The following STON2 variants were observed in gnomAD, a reference collection of about 807,000 sequenced individuals.
STON2 encodes stonin-2.
Under a neutral mutation model 65.7 loss-of-function variants are expected in STON2, and 29 were observed. The ratio of observed to expected loss-of-function variants is 0.44; its 90% CI spans 0.33 to 0.60. The LOEUF (loss-of-function observed/expected upper bound fraction) is 0.60. Ranked by LOEUF, STON2 falls within the 20% of genes least tolerant of loss-of-function variation. The pLI, the probability that STON2 is intolerant of heterozygous loss-of-function variation, is 0.03. For synonymous variants in STON2, 404 were observed against 414.2 expected, an observed-to-expected ratio of 0.98 and a Z score of 0.30; for missense variants, 1,054 against 1,118.1, an observed-to-expected ratio of 0.94 and a Z score of 0.82.
At chr14:81,327,136 CAA>C (rs1468043076) in intron 4 of STON2, among the ~76,000 whole-genome samples, 2 of 152,166 alleles carry the variant, frequency 1.3e-5, no homozygotes, top group South Asian at 2.1e-4. Context: ...CCAGCCTGAG[CAA>C]CAGCGCAAGA....
chr14:81,337,051 T>C (rs1897400872), intron 4 of STON2, among the ~76,000 whole-genome samples: 1 of 152,202 alleles, frequency 6.6e-6, no homozygotes, highest in South Asian at 2.1e-4. Context: ...TGAAAATCAC[T>C]GTGAGCTTTA....
chr14:81,354,576 C>A (rs1898148950), intron 4 of STON2, among the ~76,000 whole-genome samples: 1 of 151,798 alleles, frequency 6.6e-6, no homozygotes, highest in East Asian at 1.9e-4. Flanking sequence ...ATAATTCTCT[C>A]GAAAAAGTTC....
chr14:81,429,238 T>C (rs897931275), intron 1 of STON2, among the ~76,000 whole-genome samples: 3 of 152,172 alleles, frequency 2.0e-5, no homozygotes, highest in African/African-American at 7.2e-5. Context: ...TACGGAGATA[T>C]GAAGTGACTT....
At chr14:81,268,778 T>TA (rs1265394286) in intron 7 of STON2, 1 of 360,458 alleles carries the variant, frequency 2.8e-6, no homozygotes, top group Non-Finnish European at 3.9e-6. Context: ...TCTGTGAAGC[T>TA]ATTTTTGACT....
intron 4 of STON2, among the ~76,000 whole-genome samples, chr14:81,344,411 A>C (rs1328893006): frequency 6.6e-6 from 1 of 152,240 alleles, no homozygotes; most frequent in Non-Finnish European, 1.5e-5. Flanking sequence ...TAATATAGCA[A>C]AATTAAATAG....
At chr14:81,281,027 G>GA in intron 5 of STON2, among the ~76,000 whole-genome samples, 1 of 144,534 alleles carries the variant, frequency 6.9e-6, no homozygotes, top group African/African-American at 2.6e-5. Context: ...AAAAAAAAAA[G>GA]AAAAGAAAAG....
intron 4 of STON2, among the ~76,000 whole-genome samples, chr14:81,367,194 T>G (rs78337096): frequency 6.6e-6 from 1 of 152,122 alleles, no homozygotes; most frequent in Non-Finnish European, 1.5e-5. Context: ...TTTTTTTTTT[T>G]GTGAGACCAA....
rs141942510 is a variant in STON2, at chr14:81,268,921, G to A, written c.2785-424C>T. 2.7e-4 allele frequency among the ~76,000 whole-genome samples: 41 copies of A among 152,290 alleles called. 1 individual carries two copies. In the East Asian group the frequency reaches 7.9e-3, roughly 29 times the overall value. ...TTCAATATTTTATGCAATAATGTAG[G>A]AATACAGTGGGCAATCGACAAAGAT... On this transcript the variant is annotated intron_variant, in intron 7 of 7. Transcript: ENST00000614646.
intron 4 of STON2, among the ~76,000 whole-genome samples, chr14:81,355,630 G>A (rs1033465202): frequency 6.6e-6 from 1 of 152,180 alleles, no homozygotes; most frequent in African/African-American, 2.4e-5. Flanking sequence ...CTACCTTATA[G>A]GTACTGATAA....
At chr14:81,410,534 A>G (rs530641838) in intron 2 of STON2, among the ~76,000 whole-genome samples, 1 of 152,266 alleles carries the variant, frequency 6.6e-6, no homozygotes, top group Admixed American at 6.5e-5. Context: ...AAGGAGCTGA[A>G]CTCTGCCAAC....
At chr14:81,283,293 G>A (rs529588749) in intron 5 of STON2, among the ~76,000 whole-genome samples, 59 of 152,216 alleles carry the variant, frequency 3.9e-4, no homozygotes, top group African/African-American at 1.4e-3. Context: ...TAAGAACTAT[G>A]GCAGGAAAAT....
At chr14:81,305,997 G>A (rs1188872131) in intron 5 of STON2, among the ~76,000 whole-genome samples, 1 of 151,916 alleles carries the variant, frequency 6.6e-6, no homozygotes, top group Admixed American at 6.6e-5. Flanking sequence ...CGACCCAAGA[G>A]CTGATCTAGC....
intron 2 of STON2, among the ~76,000 whole-genome samples, chr14:81,422,477 G>C (rs1901752280): frequency 6.6e-6 from 1 of 152,012 alleles, no homozygotes; most frequent in Non-Finnish European, 1.5e-5. Flanking sequence ...ACCCAGTCTT[G>C]GGTGTTCCTT....
At chr14:81,312,923 T>G (rs1279775194) in intron 5 of STON2, among the ~76,000 whole-genome samples, 1 of 152,240 alleles carries the variant, frequency 6.6e-6, no homozygotes, top group Non-Finnish European at 1.5e-5. Flanking sequence ...AAGAAACACG[T>G]CCTTGCTTGT....
intron 4 of STON2, among the ~76,000 whole-genome samples, chr14:81,346,218 CT>C (rs1897804762): frequency 1.3e-5 from 2 of 152,114 alleles, no homozygotes; most frequent in South Asian, 2.1e-4. Context: ...CAAAAAGGAG[CT>C]TTTTTTCCAG....
intron 3 of STON2, among the ~76,000 whole-genome samples, chr14:81,382,823 T>C (rs10147025): frequency 0.6 from 90,642 of 152,122 alleles, 29,881 homozygotes; most frequent in African/African-American, 0.88. Flanking sequence ...TGAGATAAAA[T>C]GCCAACGTTT....
At chr14:81,290,758 C>T (rs1371557556) in intron 5 of STON2, among the ~76,000 whole-genome samples, 4 of 152,120 alleles carry the variant, frequency 2.6e-5, no homozygotes, top group African/African-American at 9.7e-5. Context: ...ATGCAGTAGG[C>T]CTGTCTTTTC....
In STON2 at chr14:81,278,523, G is replaced by C; in HGVS notation, c.959C>G (p.Pro320Arg). The C allele has an allele frequency of 6.2e-7, 1 of 1,614,056 alleles. No homozygotes were observed. The highest frequency in any genetic ancestry group is 8.5e-7 in the Non-Finnish European group (1 of 1,179,966). The change falls in exon 6 of 8, where the codon CCA (proline) becomes CGA (arginine). Residue 320 changes from proline to arginine, a missense_variant. By Grantham distance (103) the Pro-to-Arg change is moderately radical. Coordinates refer to ENST00000614646, the MANE Select transcript of STON2 (RefSeq NM_001394390.1). ...TCCCATTGAATTATAAGGTACATCT[G>C]GGATCACAGATGCACTTGGTGGTGT... ...PNTPPSASVI[P>R]DVPYNSMGSF...
At chr14:81,385,616 C>T (rs768763501) in intron 3 of STON2, among the ~76,000 whole-genome samples, 5 of 152,108 alleles carry the variant, frequency 3.3e-5, no homozygotes, top group African/African-American at 1.2e-4. Flanking sequence ...TCACTGAGGG[C>T]GCCATCCTTC....
Sources: allele counts gnomAD v4.1 joint callset (sites outside exome capture counted in the v4.1 genomes callset), GRCh38; gene constraint gnomAD v4.1.1; transcripts MANE v1.5; gene names NCBI Gene and HGNC (gene_info 2026-07-23, HGNC 2026-07-21).